Variants in DKK2 observed in about 807,000 individuals in gnomAD.
DKK2 encodes dickkopf Wnt signaling pathway inhibitor 2.
Under a neutral mutation model 28.1 loss-of-function variants are expected in DKK2, and 11 were observed. The ratio of observed to expected loss-of-function variants is 0.39; its 90% CI spans 0.25 to 0.65. DKK2 has a LOEUF of 0.65. Among genes scored for constraint, DKK2 ranks in the 30% least tolerant of loss-of-function variants. The pLI is 0.47. For synonymous variants in DKK2, 135 were observed against 126.5 expected (o/e 1.07, Z -0.45); for missense variants, 326 against 335.5 (o/e 0.97, Z 0.22).
At chr4:106,952,781 C>T (rs1181887862) in intron 1 of DKK2, among the ~76,000 whole-genome samples, 3 of 152,042 alleles carry the variant, frequency 2.0e-5, no homozygotes, top group Non-Finnish European at 2.9e-5. Context: ...AAGATCTGGG[C>T]ATTTTCTGAT....
intron 1 of DKK2, among the ~76,000 whole-genome samples, chr4:106,934,641 T>G (rs1384649493): frequency 1.3e-5 from 2 of 152,204 alleles, no homozygotes; most frequent in Non-Finnish European, 2.9e-5. Flanking sequence ...AACATAACAC[T>G]TCTCTAATCT....
At chr4:106,966,461 A>G (rs1291835907) in intron 1 of DKK2, among the ~76,000 whole-genome samples, 1 of 152,154 alleles carries the variant, frequency 6.6e-6, no homozygotes, top group Non-Finnish European at 1.5e-5. Flanking sequence ...AACCATTCCA[A>G]TTTTCCTAAG....
At chr4:106,944,842 G>C (rs79743716) in intron 1 of DKK2, among the ~76,000 whole-genome samples, 3,869 of 152,168 alleles carry the variant, frequency 0.025, 60 homozygotes, top group Non-Finnish European at 0.037. Flanking sequence ...TAAGAGGAAA[G>C]ACACTGAAAC....
chr4:106,966,529 G>C (rs1463427711), intron 1 of DKK2, among the ~76,000 whole-genome samples: 1 of 152,010 alleles, frequency 6.6e-6, no homozygotes, highest in African/African-American at 2.4e-5. Context: ...TAAATGTCTT[G>C]ATCATTGCTC....
At position 106,926,682 on chromosome 4, in the gene DKK2, G is replaced by A. The variant is rs150824875; in HGVS notation, c.223-733C>T. The stretch of plus-strand genomic sequence containing the variant: ...CTGAAATAGCCCCACAGGCTACTAC[G>A]CCTTCTATTGTAAAGAAAGAACCTC... On this transcript the variant is annotated intron_variant, in intron 1 of 3. Transcript: ENST00000285311. Among the ~76,000 whole-genome samples, 766 of 152,134 alleles carry A rather than the reference G, an allele frequency of 5.0e-3. 4 individuals carry two copies. The highest frequency in any genetic ancestry group is 0.017 in the African/African-American group (710 of 41,494).
At chr4:107,033,768 G>C (rs374854505) in intron 1 of DKK2, among the ~76,000 whole-genome samples, 2 of 152,242 alleles carry the variant, frequency 1.3e-5, no homozygotes, top group South Asian at 2.1e-4. Flanking sequence ...TCATGATTTG[G>C]ATTGAGAGCA....
chr4:107,018,310 G>A lies in DKK2; in HGVS notation c.222+17060C>T, dbSNP rs187162720. 1.6e-4 allele frequency among the ~76,000 whole-genome samples: 25 copies of A among 152,180 alleles called. No homozygotes were observed. The East Asian group carries it at 4.5e-3, about 27-fold the overall frequency. ...CAGACCGGCCCAGCTGTACATGTGG[G>A]CTGGCCAGAGCTGCAGAACATCATC... On this transcript the variant is annotated intron_variant, in intron 1 of 3. Coordinates refer to ENST00000285311, the MANE Select transcript of DKK2 (RefSeq NM_014421.3).
At chr4:107,023,999 AAAAC>A (rs1312735756) in intron 1 of DKK2, among the ~76,000 whole-genome samples, 3 of 152,158 alleles carry the variant, frequency 2.0e-5, no homozygotes, top group Non-Finnish European at 2.9e-5. Flanking sequence ...ACAACTTTGA[AAAAC>A]ACTCACTTTC....
intron 1 of DKK2, among the ~76,000 whole-genome samples, chr4:106,983,312 A>AGGAC: frequency 7.1e-6 from 1 of 140,928 alleles, no homozygotes; most frequent in African/African-American, 2.7e-5. Flanking sequence ...GGAAGAAGAA[A>AGGAC]GAAAGAAGAA....
chr4:106,924,805 G>T, intron 2 of DKK2, 105 bp from the exon 3 acceptor site: 1 of 1,115,488 alleles, frequency 9.0e-7, no homozygotes, highest in Non-Finnish European at 1.3e-6. Flanking sequence ...ATCTATCTGT[G>T]TATCTATCTA....
chr4:106,925,857 T>A lies in DKK2; in HGVS notation c.315A>T (p.Arg105Ser). ...CATCTCGGTGGCAGCGCTTCTTTTT[T>A]CTCCGACACACCATGCAGGCCGATG... ...QGSSACMVCRRKKKRCHRDGM... is the reference protein window; with the variant it reads ...QGSSACMVCRSKKKRCHRDGM... Residue 105 changes from arginine (R) to serine (S), a missense_variant, in exon 2 of 4, where the codon AGA (arginine) becomes AGT (serine). Physicochemically the swap from Arg to Ser is moderately radical, Grantham distance 110 (BLOSUM62 -1). Coordinates refer to ENST00000285311, the MANE Select transcript of DKK2 (RefSeq NM_014421.3). The A allele has an allele frequency of 6.2e-7, 1 of 1,608,744 alleles. No individual in the cohort carries two copies. Among genetic ancestry groups the A allele is most frequent in the Non-Finnish European group, 8.5e-7 (1 of 1,177,662 alleles).
intron 1 of DKK2, among the ~76,000 whole-genome samples, chr4:106,949,902 CTGT>C (rs1483062024): frequency 3.3e-5 from 5 of 152,086 alleles, no homozygotes; most frequent in African/African-American, 1.2e-4. Context: ...AGCATCAACA[CTGT>C]TAACACAGCC....
At chr4:107,011,076 C>G (rs901303741) in intron 1 of DKK2, among the ~76,000 whole-genome samples, 2 of 151,304 alleles carry the variant, frequency 1.3e-5, no homozygotes, top group Non-Finnish European at 3.0e-5. Flanking sequence ...TGGCTTCACA[C>G]AGATATGTAG....
intron 1 of DKK2, among the ~76,000 whole-genome samples, chr4:107,017,886 A>G (rs747676965): frequency 5.9e-5 from 9 of 152,064 alleles, no homozygotes; most frequent in Non-Finnish European, 1.0e-4. Context: ...TGGTTGCTCA[A>G]TATTTACCAA....
chr4:107,028,025 T>TA (rs934909530), intron 1 of DKK2, among the ~76,000 whole-genome samples: 17 of 152,288 alleles, frequency 1.1e-4, no homozygotes, highest in African/African-American at 4.1e-4. Flanking sequence ...GTGCTAGGAT[T>TA]ACAGGCGTGA....
intron 1 of DKK2, among the ~76,000 whole-genome samples, chr4:106,926,886 A>G (rs1449337345): frequency 6.6e-6 from 1 of 152,162 alleles, no homozygotes; most frequent in East Asian, 1.9e-4. Context: ...GCCTCTTGGA[A>G]GTATTTGGAA....
At chr4:106,956,529 G>GC (rs1173581088) in intron 1 of DKK2, among the ~76,000 whole-genome samples, 1 of 152,172 alleles carries the variant, frequency 6.6e-6, no homozygotes, top group African/African-American at 2.4e-5. Flanking sequence ...AACCAAAACA[G>GC]CATGGTATTG....
intron 1 of DKK2, among the ~76,000 whole-genome samples, chr4:106,928,775 G>A (rs1724459040): frequency 6.6e-6 from 1 of 152,068 alleles, no homozygotes; most frequent in Admixed American, 6.5e-5. Context: ...GTCTTACTAA[G>A]CATAATGCAT....
At chr4:106,983,337 G>GAAGGAAGA (rs1553923099) in intron 1 of DKK2, among the ~76,000 whole-genome samples, 2 of 120,432 alleles carry the variant, frequency 1.7e-5, no homozygotes, top group Non-Finnish European at 3.4e-5. Flanking sequence ...AGGAAGAAAG[G>GAAGGAAGA]AAGAAAGAAA....
Sources: allele counts gnomAD v4.1 joint callset (sites outside exome capture counted in the v4.1 genomes callset), GRCh38; gene constraint gnomAD v4.1.1; transcripts MANE v1.5; gene names NCBI Gene and HGNC (gene_info 2026-07-23, HGNC 2026-07-21).